The following GPR161 variants were observed in gnomAD, a reference collection of about 807,000 sequenced individuals.
The protein encoded by GPR161 is G-protein coupled receptor RE2.
A neutral mutation model predicts 39.2 loss-of-function variants in GPR161; 25 were observed. The observed-to-expected ratio is 0.64, with a 90% confidence interval of 0.47 to 0.89. The LOEUF is 0.89. Among genes scored for constraint, GPR161 ranks in the 40% least tolerant of loss-of-function variants. The pLI, the probability that GPR161 is intolerant of heterozygous loss-of-function variation, is 0.00. For missense variants in GPR161, 547 were observed against 677.8 expected, an observed-to-expected ratio of 0.81 and a Z score of 2.14; for synonymous variants, 286 against 276.6, an observed-to-expected ratio of 1.03 and a Z score of -0.34.
intron 1 of GPR161, among the ~76,000 whole-genome samples, chr1:168,106,864 T>C (rs1166838829): frequency 1.3e-5 from 2 of 152,244 alleles, no homozygotes; most frequent in Non-Finnish European, 2.9e-5. Context: ...GGAGATACTT[T>C]CTAGGTGTGC....
intron 5 of GPR161, among the ~76,000 whole-genome samples, chr1:168,087,204 C>G (rs139664002): frequency 6.6e-6 from 1 of 152,326 alleles, no homozygotes; most frequent in Non-Finnish European, 1.5e-5. Context: ...GCTTTGGCCT[C>G]CAGCAAAGCA....
intron 1 of GPR161, among the ~76,000 whole-genome samples, chr1:168,132,224 C>G (rs996093220): frequency 5.3e-5 from 8 of 151,906 alleles, no homozygotes; most frequent in Non-Finnish European, 7.4e-5. Context: ...GAGATCATGC[C>G]ACTGCACTCC....
chr1:168,092,812 G>C (rs908879520), intron 3 of GPR161, among the ~76,000 whole-genome samples: 2 of 152,208 alleles, frequency 1.3e-5, no homozygotes, highest in African/African-American at 4.8e-5. Flanking sequence ...GAAGAACCTG[G>C]AGCGAGGTGT....
At position 168,097,144 on chromosome 1, in the gene GPR161, AG is replaced by A; in HGVS notation, c.462del (p.Ser155ArgfsTer168). The A allele has an allele frequency of 6.2e-7, 1 of 1,614,138 alleles. No individual in the cohort carries two copies. Among genetic ancestry groups the A allele is most frequent in the Non-Finnish European group, 8.5e-7 (1 of 1,180,040 alleles). ...AGGGGTGGCAGGCAGCCGATGAGCGAGTGAAGCCAGATGTAGACAAGTGCCA... is the reference window on the plus strand; with the variant it reads ...AGGGGTGGCAGGCAGCCGATGAGCGATGAAGCCAGATGTAGACAAGTGCCA... Reference protein sequence around the residue: ...AVMALVYIWLHSLIGCLPPLF... With the variant: ...AVMALVYIWLXSLIGCLPPLF... On this transcript the variant is annotated frameshift_variant, in exon 3 of 6. Transcript: ENST00000682931. LOFTEE classifies it high-confidence loss of function.
chr1:168,089,165 G>C (rs1694823270), intron 4 of GPR161: 1 of 152,080 alleles, frequency 6.6e-6, no homozygotes, highest in Admixed American at 6.6e-5. Flanking sequence ...ACAGGGTCCG[G>C]CCAAGGCAGG....
At chr1:168,099,275 G>A (rs1030644887) in intron 2 of GPR161, among the ~76,000 whole-genome samples, 3 of 152,300 alleles carry the variant, frequency 2.0e-5, no homozygotes, top group Non-Finnish European at 4.4e-5. Context: ...AAATGTGAGG[G>A]GGTTGCTAGG....
chr1:168,091,579 G>C (rs1000439154), intron 3 of GPR161, among the ~76,000 whole-genome samples: 1 of 152,096 alleles, frequency 6.6e-6, no homozygotes, highest in Non-Finnish European at 1.5e-5. Context: ...TGGTTTTCTA[G>C]GCCCTCGTTA....
intron 4 of GPR161, among the ~76,000 whole-genome samples, chr1:168,089,960 C>T (rs1694894135): frequency 6.6e-6 from 1 of 152,210 alleles, no homozygotes; most frequent in Non-Finnish European, 1.5e-5. Context: ...TGCGTTTCTA[C>T]AGGGAGACTG....
intron 3 of GPR161, among the ~76,000 whole-genome samples, chr1:168,095,253 G>C (rs1278920590): frequency 1.3e-5 from 2 of 152,230 alleles, no homozygotes; most frequent in African/African-American, 4.8e-5. Flanking sequence ...GATTGACTAA[G>C]ACAATATGGG....
At chr1:168,091,951 G>A (rs2863764) in intron 3 of GPR161, among the ~76,000 whole-genome samples, 8,991 of 152,246 alleles carry the variant, frequency 0.059, 842 homozygotes, top group African/African-American at 0.2. Context: ...GAGGAGACCT[G>A]TTCCTTCATT....
intron 1 of GPR161, among the ~76,000 whole-genome samples, chr1:168,118,086 T>C (rs1697782984): frequency 6.6e-6 from 1 of 152,224 alleles, no homozygotes; most frequent in Admixed American, 6.5e-5. Flanking sequence ...CAGTGATTTC[T>C]TATAGTTGAC....
intron 1 of GPR161, chr1:168,135,049 G>A (rs149995528): frequency 6.6e-7 from 1 of 1,510,742 alleles, no homozygotes; most frequent in Non-Finnish European, 8.9e-7. Context: ...GCAACACAAA[G>A]AGAACGGTTC....
upstream of GPR161, chr1:168,137,489 G>C: frequency 8.6e-7 from 1 of 1,160,754 alleles, no homozygotes; most frequent in Non-Finnish European, 1.2e-6. Flanking sequence ...CCCGAAGCCA[G>C]CCCCGGGGAG....
At chr1:168,112,712 C>A (rs1436051545) in intron 1 of GPR161, among the ~76,000 whole-genome samples, 1 of 151,780 alleles carries the variant, frequency 6.6e-6, no homozygotes, top group Non-Finnish European at 1.5e-5. Context: ...CAAAAATTAA[C>A]CAGGAGTGGT....
intron 1 of GPR161, among the ~76,000 whole-genome samples, chr1:168,127,631 A>G (rs966631360): frequency 8.5e-5 from 13 of 152,212 alleles, no homozygotes; most frequent in African/African-American, 2.7e-4. Context: ...GGAGGCAAGG[A>G]GGAGCAAGTC....
Position 168,085,516 on chromosome 1 carries a change from G to A in GPR161, c.*15C>T, listed in dbSNP as rs776778296. 181 of 1,600,484 alleles carry A rather than the reference G, an allele frequency of 1.1e-4. No individual in the cohort carries two copies. The highest frequency in any genetic ancestry group is 3.3e-4 in the Middle Eastern group (2 of 6,036). ...CCAGCCTCTCAGGCTGCAGCCCCACGGCACCCTGAGGCCCTCATCTCTGCT... is the reference window on the plus strand; with the variant it reads ...CCAGCCTCTCAGGCTGCAGCCCCACAGCACCCTGAGGCCCTCATCTCTGCT... On this transcript the variant is annotated 3_prime_UTR_variant, in exon 6 of 6. Coordinates refer to ENST00000682931, the MANE Select transcript of GPR161 (RefSeq NM_001375883.1).
chr1:168,122,764 T>C (rs1698284017), intron 1 of GPR161, among the ~76,000 whole-genome samples: 1 of 152,168 alleles, frequency 6.6e-6, no homozygotes, highest in Non-Finnish European at 1.5e-5. Context: ...TCCCCAGCCA[T>C]ACTATGTAAC....
intron 1 of GPR161, among the ~76,000 whole-genome samples, chr1:168,132,086 G>A (rs1234273865): frequency 6.6e-6 from 1 of 152,136 alleles, no homozygotes; most frequent in Non-Finnish European, 1.5e-5. Context: ...CCAATATGGT[G>A]AAACCCCTTC....
At position 168,098,577 on chromosome 1, in the gene GPR161, C is replaced by T. The variant is rs540706182; in HGVS notation, c.375-1345G>A. 6.6e-6 allele frequency among the ~76,000 whole-genome samples: 1 copy of T among 152,364 alleles called. No homozygotes were observed. Among genetic ancestry groups the T allele is most frequent in the South Asian group, 2.1e-4 (1 of 4,830 alleles). ...CTCCTCCACAGGGACCGCCCTGAGT[C>T]ACCCTTGGGCCCCAGCAGCTGAACT... On this transcript the variant is annotated intron_variant, in intron 2 of 5. Transcript: ENST00000682931. The surrounding 1 kb of genome is among the most constrained non-coding windows in gnomAD (Gnocchi z 4.1).
Sources: allele counts gnomAD v4.1 joint callset (sites outside exome capture counted in the v4.1 genomes callset), GRCh38; gene constraint gnomAD v4.1.1; non-coding constraint Gnocchi (gnomAD v3.1); transcripts MANE v1.5; gene names NCBI Gene and HGNC (gene_info 2026-07-23, HGNC 2026-07-21).